RIMBP2: variants seen among roughly 807,000 people sequenced by gnomAD.
RIMBP2 encodes the protein RIMS binding protein 2.
In RIMBP2, 48 loss-of-function variants were observed where a neutral mutation model predicts 118.6. That is an observed-to-expected ratio of 0.40 (90% CI 0.32 to 0.51). RIMBP2 has a LOEUF of 0.51. Among genes scored for constraint, RIMBP2 ranks in the 20% least tolerant of loss-of-function variants. RIMBP2 has a pLI of 0.41. For missense variants in RIMBP2, 1,551 were observed against 1,768.3 expected, an observed-to-expected ratio of 0.88 and a Z score of 2.20; for synonymous variants, 762 against 742.9, an observed-to-expected ratio of 1.03 and a Z score of -0.42.
chr12:130,438,335 A>ACCGGGGGGCCCCCCCCC, intron 12 of RIMBP2, 30 bp downstream of exon 12: 1 of 865,014 alleles, frequency 1.2e-6, no homozygotes, highest in Non-Finnish European at 1.9e-6. Flanking sequence ...GGCCTAACAA[A>ACCGGGGGGCCCCCCCCC]CCCTCCCCAC....
chr12:130,573,868 C>T (rs568158920), intron 2 of RIMBP2, among the ~76,000 whole-genome samples: 15 of 152,232 alleles, frequency 9.9e-5, no homozygotes, highest in African/African-American at 3.6e-4. Context: ...CCAGCAAGTT[C>T]CCCCAACATG....
Position 130,459,879 on chromosome 12 carries a change from A to C in RIMBP2, c.154-3179T>G, listed in dbSNP as rs76488926. ...AGGGCCACTCCCACGCCTGTGTCCT[A>C]TGGGGGCCATAGTGGCGCTTCCCAA... On this transcript the variant is annotated intron_variant, in intron 6 of 22. Coordinates refer to ENST00000690449, the MANE Select transcript of RIMBP2 (RefSeq NM_001393629.1). Among the ~76,000 whole-genome samples, 883 of 152,292 alleles carry C rather than the reference A, an allele frequency of 5.8e-3. 16 individuals carry two copies. Among genetic ancestry groups the C allele is most frequent in the African/African-American group, 0.021 (854 of 41,558 alleles).
At chr12:130,573,767 G>A (rs751631779) in intron 2 of RIMBP2, among the ~76,000 whole-genome samples, 17 of 152,040 alleles carry the variant, frequency 1.1e-4, no homozygotes, top group African/African-American at 3.6e-4. Flanking sequence ...TGACACAGCC[G>A]AGCTGCCAAA....
chr12:130,601,895 C>T (rs2059900844), intron 2 of RIMBP2, among the ~76,000 whole-genome samples: 1 of 152,200 alleles, frequency 6.6e-6, no homozygotes, highest in South Asian at 2.1e-4. Flanking sequence ...TTTCAGCGAA[C>T]CTTTTAACTA....
At position 130,437,174 on chromosome 12, in the gene RIMBP2, C is replaced by A. The variant is rs2077587294; in HGVS notation, c.1774G>T (p.Asp592Tyr). Reference sequence around the variant, plus strand: ...GGGGGAACGGCAGCAACTGCAGAGTCCACGGACTCGCCCTGGGCGGAGAGG... The same window carrying A: ...GGGGGAACGGCAGCAACTGCAGAGTACACGGACTCGCCCTGGGCGGAGAGG... ...RTLSAQGESV[D>Y]SAVAAVPPEL... The change falls in exon 13 of 23, where the codon GAC becomes TAC. Residue 592 changes from aspartate to tyrosine, a missense_variant. Physicochemically the swap from Asp to Tyr is radical, Grantham distance 160 (BLOSUM62 -3). This residue lies in a region of RIMBP2 where 1,038 missense variants were observed against 1,125.1 expected (regional missense o/e 0.92). Coordinates refer to ENST00000690449, the MANE Select transcript of RIMBP2 (RefSeq NM_001393629.1). The A allele has an allele frequency of 1.3e-6, 2 of 1,588,384 alleles. No individual in the cohort carries two copies. Among genetic ancestry groups the A allele is most frequent in the Non-Finnish European group, 1.7e-6 (2 of 1,168,910 alleles).
At chr12:130,405,544 C>T (rs1227102128) in intron 21 of RIMBP2, among the ~76,000 whole-genome samples, 4 of 152,118 alleles carry the variant, frequency 2.6e-5, no homozygotes, top group African/African-American at 4.8e-5. Flanking sequence ...GCCCCAGCTG[C>T]GGAAACTCTG....
chr12:130,569,994 C>T (rs1258798193), intron 2 of RIMBP2, among the ~76,000 whole-genome samples: 1 of 152,152 alleles, frequency 6.6e-6, no homozygotes, highest in African/African-American at 2.4e-5. Flanking sequence ...TCACACACAC[C>T]TTTATGAGGA....
At chr12:130,443,756 G>C (rs2078314018) in intron 10 of RIMBP2, among the ~76,000 whole-genome samples, 1 of 152,222 alleles carries the variant, frequency 6.6e-6, no homozygotes. Flanking sequence ...AGATGGAGGT[G>C]ATGGTGATGA....
At chr12:130,551,448 T>G (rs1163931224) in intron 2 of RIMBP2, among the ~76,000 whole-genome samples, 2 of 152,208 alleles carry the variant, frequency 1.3e-5, no homozygotes, top group African/African-American at 4.8e-5. Context: ...AGATGTTGCA[T>G]GAAAAAGAAA....
intron 2 of RIMBP2, among the ~76,000 whole-genome samples, chr12:130,537,361 C>A (rs1337761488): frequency 1.3e-5 from 2 of 152,190 alleles, no homozygotes; most frequent in South Asian, 2.1e-4. Flanking sequence ...CCCATTTTGC[C>A]ACTGGCAGCG....
intron 17 of RIMBP2, among the ~76,000 whole-genome samples, chr12:130,416,612 A>G (rs2076114894): frequency 6.6e-6 from 1 of 152,248 alleles, no homozygotes; most frequent in African/African-American, 2.4e-5. Flanking sequence ...ACCTCAAATT[A>G]CACAAATACT....
rs1371192556 is a variant in RIMBP2, at chr12:130,447,963, G to C, written c.581+2237C>G. ...TGACAGCAAGAGGAGACACTGATTA[G>C]ACCCGGGGCAGAAAACATAACCCCC... On this transcript the variant is annotated intron_variant, in intron 9 of 22. Transcript: ENST00000690449. This position sits in a 1 kb window ranked among gnomAD's most constrained non-coding sequence, Gnocchi z 4.4. 6.6e-6 allele frequency among the ~76,000 whole-genome samples: 1 copy of C among 152,032 alleles called. No homozygotes were observed. The highest frequency in any genetic ancestry group is 1.5e-5 in the Non-Finnish European group (1 of 68,004).
chr12:130,528,557 G>A (rs2053049680), intron 2 of RIMBP2, among the ~76,000 whole-genome samples: 1 of 150,778 alleles, frequency 6.6e-6, no homozygotes, highest in Non-Finnish European at 1.5e-5. Flanking sequence ...CATGGCACAT[G>A]TTTACCTATG....
In RIMBP2 at chr12:130,665,550, C is replaced by G. The variant is rs530605638; in HGVS notation, c.-351-37094G>C. Among the ~76,000 whole-genome samples the G allele has an allele frequency of 4.0e-5, 6 of 151,604 alleles. No individual in the cohort carries two copies. In the East Asian group the frequency reaches 1.2e-3, roughly 29 times the overall value. On this transcript the variant is annotated intron_variant, in intron 1 of 22. Transcript: ENST00000690449. ...GACAGGGCGAGACCCTGCCTCAAAA[C>G]AAACAAAAACACCCAAATCTAATTG...
rs556086232 is a variant in RIMBP2, at chr12:130,650,973, A to AAG, written c.-351-22518_-351-22517insCT. Among the ~76,000 whole-genome samples the AAG allele has an allele frequency of 2.1e-3, 305 of 143,286 alleles. 1 individual carries two copies. Among genetic ancestry groups the AAG allele is most frequent in the Non-Finnish European group, 3.2e-3 (207 of 65,098 alleles). The allele number at this position is 143,286 out of a possible 152,430, so 94.0% of individuals were successfully genotyped here. A position where few individuals can be genotyped will look rare whatever the true frequency, so the allele number is the denominator to read the frequency against. ...TTGTTTTTTTTAAAAAAAAAAAAAAAAAAGAAAGAAAAGAAAAGAAACTGC... is the reference window on the plus strand; with the variant it reads ...TTGTTTTTTTTAAAAAAAAAAAAAAAAGAAAGAAAGAAAAGAAAAGAAACTGC... On this transcript the variant is annotated intron_variant, in intron 1 of 22. Transcript: ENST00000690449.
At chr12:130,618,475 T>C (rs139806484) in intron 2 of RIMBP2, among the ~76,000 whole-genome samples, 123 of 152,228 alleles carry the variant, frequency 8.1e-4, no homozygotes, top group South Asian at 1.9e-3. Flanking sequence ...CAGGTTCCCT[T>C]CAGTCTTAGG....
At chr12:130,611,207 G>A (rs544200194) in intron 2 of RIMBP2, among the ~76,000 whole-genome samples, 4 of 152,304 alleles carry the variant, frequency 2.6e-5, no homozygotes, top group East Asian at 3.9e-4. Flanking sequence ...ACCGGGAACC[G>A]CCGCAGCTCC....
At chr12:130,457,312 C>G (rs528072633) in intron 6 of RIMBP2, among the ~76,000 whole-genome samples, 1 of 152,218 alleles carries the variant, frequency 6.6e-6, no homozygotes, top group East Asian at 1.9e-4. Context: ...GCAGACAACA[C>G]GAAGCCACGT....
intron 1 of RIMBP2, among the ~76,000 whole-genome samples, chr12:130,702,925 C>T (rs1452849325): frequency 1.3e-5 from 2 of 152,128 alleles, no homozygotes; most frequent in Non-Finnish European, 2.9e-5. Context: ...CCCGGGTGCT[C>T]AGCCGGGACC....
Sources: gnomAD v4.1 joint callset for allele counts (sites outside exome capture counted in the v4.1 genomes callset) on GRCh38, gnomAD v4.1.1 for gene constraint, gnomAD v4.1.1 regional missense constraint, Gnocchi (gnomAD v3.1) non-coding constraint, MANE v1.5 for transcripts, NCBI Gene and HGNC (gene_info 2026-07-23, HGNC 2026-07-21) for gene names.